The following DST variants were observed in gnomAD, a reference collection of about 807,000 sequenced individuals.
The protein encoded by DST is bullous pemphigoid antigen.
Under a neutral mutation model 875.2 loss-of-function variants are expected in DST, and 253 were observed. That is an observed-to-expected ratio of 0.29 (90% CI 0.26 to 0.32). The LOEUF (loss-of-function observed/expected upper bound fraction) is 0.32, where lower values mean the gene tolerates loss of function less well. DST is among the 10% of genes least tolerant of loss of function. The pLI is 1.00. For synonymous variants in DST, 3,124 were observed against 3,197.1 expected (o/e 0.98, Z 0.77); for missense variants, 8,287 against 9,111.6 (o/e 0.91, Z 3.68).
At chr6:56,514,322 T>C (rs1421739125) in intron 72 of DST, among the ~76,000 whole-genome samples, 1 of 152,194 alleles carries the variant, frequency 6.6e-6, no homozygotes, top group Non-Finnish European at 1.5e-5. Context: ...CTTGTCTTTC[T>C]CCTGCTGAAT....
chr6:56,793,019 T>A lies in DST; in HGVS notation c.626-57730A>T, dbSNP rs1042114349. Among the ~76,000 whole-genome samples, 5 of 125,458 alleles carry A rather than the reference T, an allele frequency of 4.0e-5. No homozygotes were observed. In the South Asian group the frequency reaches 7.5e-4, roughly 19 times the overall value. 82.3% of individuals were successfully genotyped at this position (125,458 alleles called of 152,430 possible). On this transcript the variant is annotated intron_variant, in intron 4 of 103. Coordinates refer to ENST00000680361, the MANE Select transcript of DST (RefSeq NM_001374736.1). ...TGAGGTCAAGGCTGCAGTGAGCCCATGATCGCACCACTGCACTCCAGCCTG... is the reference window on the plus strand; with the variant it reads ...TGAGGTCAAGGCTGCAGTGAGCCCAAGATCGCACCACTGCACTCCAGCCTG...
At chr6:56,462,723 A>C (rs73747831) in intron 102 of DST, among the ~76,000 whole-genome samples, 1,939 of 152,226 alleles carry the variant, frequency 0.013, 40 homozygotes, top group African/African-American at 0.043. Context: ...AATTTTACTT[A>C]AGTCTGGCTA....
In DST at chr6:56,851,585, T is replaced by C. The variant is rs576091249; in HGVS notation, c.437A>G (p.Tyr146Cys). ...IRRPSSGNASYRCSMSSSADF... is the reference protein window; with the variant it reads ...IRRPSSGNASCRCSMSSSADF... ...CGCAGAGGAAGACATAGAGCAGCGA[T>C]AGGACGCGTTCCCGGAACTCTACAG... Residue 146 changes from tyrosine to cysteine, a missense_variant, in exon 4 of 104, where the codon TAT (tyrosine) becomes TGT (cysteine). Around this residue, in one of 10 missense-constraint regions of DST, gnomAD observed 1,160 missense variants for 1,424.3 expected, o/e 0.81. Coordinates refer to ENST00000680361, the MANE Select transcript of DST (RefSeq NM_001374736.1). 1.3e-4 allele frequency: 213 copies of C among 1,613,908 alleles called. No homozygotes were observed. Among genetic ancestry groups the C allele is most frequent in the Admixed American group, 3.3e-5 (2 of 60,012 alleles).
chr6:56,514,861 G>C (rs2096559942), intron 72 of DST, among the ~76,000 whole-genome samples: 1 of 152,156 alleles, frequency 6.6e-6, no homozygotes, highest in Non-Finnish European at 1.5e-5. Flanking sequence ...TGTAACTGTA[G>C]TTGTAAATGT....
chr6:56,616,329 T>C lies in DST; in HGVS notation c.4930-1845A>G, dbSNP rs2098619840. 2.5e-6 allele frequency: 4 copies of C among 1,613,798 alleles called. 1 individual carries two copies. In the East Asian group the frequency reaches 8.9e-5, roughly 36 times the overall value. On this transcript the variant is annotated intron_variant, in intron 36 of 103. Coordinates refer to ENST00000680361, the MANE Select transcript of DST (RefSeq NM_001374736.1). ...GAATGCCCATAGGATTCAAAAAACATAGCTTCCTTCCACTGATATTGCTGC... is the reference window on the plus strand; with the variant it reads ...GAATGCCCATAGGATTCAAAAAACACAGCTTCCTTCCACTGATATTGCTGC...
In DST at chr6:56,639,483, G is replaced by A. The variant is rs1316661234; in HGVS notation, c.2826C>T (p.Asn942=). The change falls in exon 21 of 104, where the codon AAC becomes AAT. Residue 942 remains asparagine (N), a synonymous_variant. Coordinates refer to ENST00000680361, the MANE Select transcript of DST (RefSeq NM_001374736.1). ...AATCTTTTTTCCTAGCTATGTTGGTGTTTCTCTCACTCCAGTCATAAGCAA... is the reference window on the plus strand; with the variant it reads ...AATCTTTTTTCCTAGCTATGTTGGTATTTCTCTCACTCCAGTCATAAGCAA... ...EEVAYDWSER[N]TNIARKKDYH... The A allele has an allele frequency of 4.3e-6, 7 of 1,613,782 alleles. No homozygotes were observed. The highest frequency in any genetic ancestry group is 5.9e-6 in the Non-Finnish European group (7 of 1,179,880).
chr6:56,920,895 A>ATTT lies in DST; in HGVS notation c.217-20277_217-20275dup, dbSNP rs35394550. Among the ~76,000 whole-genome samples, 16 of 59,690 alleles carry ATTT rather than the reference A, an allele frequency of 2.7e-4. 1 individual carries two copies. Among genetic ancestry groups the ATTT allele is most frequent in the African/African-American group, 3.3e-4 (5 of 15,110 alleles). 39.2% of individuals were successfully genotyped at this position (59,690 alleles called of 152,430 possible). Reference sequence around the variant, plus strand: ...AGGAACACACAACCACGCCCAGCTAATTTTTTTTTTTTTTTTTTTTTTTTT... The same window carrying ATTT: ...AGGAACACACAACCACGCCCAGCTAATTTTTTTTTTTTTTTTTTTTTTTTTTTT... On this transcript the variant is annotated intron_variant, in intron 2 of 103. Transcript: ENST00000680361.
rs574512809 is a variant in DST at position 56,515,570 on chromosome 6, T to C, written c.18456A>G (p.Gln6152=). 8 of 1,613,932 alleles carry C rather than the reference T, an allele frequency of 5.0e-6. No individual in the cohort carries two copies. The highest frequency in any genetic ancestry group is 4.0e-5 in the African/African-American group (3 of 75,056). Residue 6152 remains glutamine, a synonymous_variant, in exon 72 of 104, where the codon CAA becomes CAG. Transcript: ENST00000680361. ...QLERAQSLVN[Q]FWETYEELWP... ...AAAGTTCTTCATATGTTTCCCAGAA[T>C]TGGTTAACCAGGGACTGTGCCCGTT... is the stretch of plus-strand genomic sequence containing the variant.
intron 2 of DST, among the ~76,000 whole-genome samples, chr6:56,938,108 C>CTCTCTCTCTATATATATATATA (rs1383243392): frequency 4.1e-5 from 5 of 120,750 alleles, no homozygotes; most frequent in African/African-American, 1.7e-4. Context: ...CTCTCTCTCT[C>CTCTCTCTCTATATATATATATA]TATATATATA....
chr6:56,709,192 T>C (rs2099352730), intron 5 of DST, among the ~76,000 whole-genome samples: 2 of 152,214 alleles, frequency 1.3e-5, no homozygotes, highest in South Asian at 4.1e-4. Context: ...ACCTAGAGTT[T>C]ACCTCTAGGG....
intron 95 of DST, among the ~76,000 whole-genome samples, chr6:56,470,781 A>AACAC (rs67009040): frequency 0.077 from 10,880 of 141,374 alleles, 403 homozygotes; most frequent in Admixed American, 0.095. Flanking sequence ...TATGCCAGGC[A>AACAC]ACACACACAC....
rs1245455404 is a variant in DST at position 56,605,795 on chromosome 6, T to G, written c.8833A>C (p.Asn2945His). Residue 2945 changes from asparagine (N) to histidine (H), a missense_variant, in exon 40 of 104, where the codon AAT becomes CAT. Physicochemically the swap from Asn to His is moderately conservative, Grantham distance 68 (BLOSUM62 1). Transcript: ENST00000680361. ...GPASISHDNN[N>H]ISSTSELGTD... ...CCTAATTCAGAAGTTGAACTGATAT[T>G]ATTATTATCATGTGAAATACTTGCA... is the stretch of plus-strand genomic sequence containing the variant. The G allele has an allele frequency of 6.2e-7, 1 of 1,612,578 alleles. No homozygotes were observed.
chr6:56,470,781 AACACACACACACACACACAC>A (rs67009040), intron 95 of DST, among the ~76,000 whole-genome samples: 25 of 141,450 alleles, frequency 1.8e-4, no homozygotes, highest in South Asian at 6.9e-4. Flanking sequence ...TATGCCAGGC[AACACACACACACACACACAC>A]ACACACACAC....
intron 4 of DST, among the ~76,000 whole-genome samples, chr6:56,749,765 G>C (rs1400839615): frequency 6.6e-6 from 1 of 152,152 alleles, no homozygotes; most frequent in East Asian, 1.9e-4. Context: ...GTCATCAGCA[G>C]GAATAAATGG....
chr6:56,946,761 G>C (rs545908833), intron 2 of DST, among the ~76,000 whole-genome samples: 1 of 152,148 alleles, frequency 6.6e-6, no homozygotes, highest in African/African-American at 2.4e-5. Flanking sequence ...CTGGCTGAAG[G>C]TAAGGGAGTA....
intron 10 of DST, among the ~76,000 whole-genome samples, chr6:56,670,047 T>C (rs2099092210): frequency 6.6e-6 from 1 of 152,092 alleles, no homozygotes; most frequent in African/African-American, 2.4e-5. Context: ...TCAGCAGTTC[T>C]TTAGAGGCAA....
At chr6:56,620,716 C>T (rs759297879) in intron 36 of DST, 1 of 1,612,248 alleles carries the variant, frequency 6.2e-7, no homozygotes, top group Non-Finnish European at 8.5e-7. Context: ...ACCTTTTAAT[C>T]TACAAAAGAC....
At chr6:56,506,378 T>G in intron 77 of DST, 65 bp downstream of exon 77, 7 of 1,319,008 alleles carry the variant, frequency 5.3e-6, no homozygotes, top group Non-Finnish European at 6.3e-6. Flanking sequence ...TGCCAATATG[T>G]AGACATCAAT....
At position 56,552,896 on chromosome 6, in the gene DST, T is replaced by C; in HGVS notation, c.15896A>G (p.His5299Arg). 2 of 1,614,030 alleles carry C rather than the reference T, an allele frequency of 1.2e-6. No homozygotes were observed. Among genetic ancestry groups the C allele is most frequent in the Non-Finnish European group, 8.5e-7 (1 of 1,179,878 alleles). Residue 5299 changes from histidine to arginine, a missense_variant, in exon 61 of 104, where the codon CAT becomes CGT. His to Arg is a conservative substitution (Grantham distance 29). Around this residue, in one of 10 missense-constraint regions of DST, gnomAD observed 1,513 missense variants for 1,677.8 expected, o/e 0.90. Coordinates refer to ENST00000680361, the MANE Select transcript of DST (RefSeq NM_001374736.1). ...LQCAKEQLDIHDSLGSQAYSN... is the reference protein window; with the variant it reads ...LQCAKEQLDIRDSLGSQAYSN... The stretch of plus-strand genomic sequence containing the variant: ...GTAAGCCTGGGATCCCAGCGAATCA[T>C]GGATATCTAGCTGCTCCTTTGCACA...
Sources: gnomAD v4.1 joint callset for allele counts (sites outside exome capture counted in the v4.1 genomes callset) on GRCh38, gnomAD v4.1.1 for gene constraint, gnomAD v4.1.1 regional missense constraint, MANE v1.5 for transcripts, NCBI Gene and HGNC (gene_info 2026-07-23, HGNC 2026-07-21) for gene names.